Variants in TYW1B observed in about 807,000 individuals in gnomAD.
TYW1B encodes the protein tRNA-yW synthesizing protein 1 homolog B.
TYW1B carries 73 observed loss-of-function variants against 86.9 expected under a neutral mutation model. The observed-to-expected ratio is 0.84, with a 90% CI of 0.70 to 1.02. The LOEUF is 1.02. Ranked by LOEUF, TYW1B falls within the 50% of genes least tolerant of loss-of-function variation. The pLI is 0.00. For missense variants in TYW1B, 637 were observed against 827.4 expected, an observed-to-expected ratio of 0.77 and a Z score of 2.82; for synonymous variants, 248 against 292.8, an observed-to-expected ratio of 0.85 and a Z score of 1.56.
intron 13 of TYW1B, among the ~76,000 whole-genome samples, chr7:72,606,615 C>T (rs797034464): frequency 1.3e-5 from 2 of 148,972 alleles, no homozygotes; most frequent in Admixed American, 6.7e-5. Flanking sequence ...AGGCCCCCCC[C>T]CCGCCTCCAT....
intron 10 of TYW1B, among the ~76,000 whole-genome samples, chr7:72,709,926 T>C (rs1201135273): frequency 1.3e-5 from 2 of 152,326 alleles, no homozygotes; most frequent in African/African-American, 2.4e-5. Context: ...CATTTGTTTG[T>C]TGAAGATGGC....
At chr7:72,650,135 C>T (rs1169303160) in intron 11 of TYW1B, among the ~76,000 whole-genome samples, 1 of 148,792 alleles carries the variant, frequency 6.7e-6, no homozygotes, top group Admixed American at 6.8e-5. Context: ...AGGATGGTCT[C>T]GATCTCCTGA....
intron 11 of TYW1B, among the ~76,000 whole-genome samples, chr7:72,681,591 C>CTTT (rs71069098): frequency 1.5e-3 from 170 of 110,942 alleles, no homozygotes; most frequent in East Asian, 2.2e-3. Flanking sequence ...ATATTTACTT[C>CTTT]TTTTTTTTTT....
At chr7:72,749,450 A>C (rs1554464485) in intron 7 of TYW1B, among the ~76,000 whole-genome samples, 1 of 151,916 alleles carries the variant, frequency 6.6e-6, no homozygotes, top group Non-Finnish European at 1.5e-5. Flanking sequence ...CCCACCACCA[A>C]GCCCGGCTAA....
chr7:72,592,046 C>T (rs1811408124), intron 13 of TYW1B, among the ~76,000 whole-genome samples: 1 of 151,676 alleles, frequency 6.6e-6, no homozygotes, highest in Admixed American at 6.6e-5. Context: ...TGGTCTCGAA[C>T]TCCTGACCTC....
chr7:72,672,830 A>G (rs35569319), intron 11 of TYW1B, among the ~76,000 whole-genome samples: 17 of 151,894 alleles, frequency 1.1e-4, no homozygotes, highest in African/African-American at 2.2e-4. Context: ...TTTGTTTCAA[A>G]GATTACAAAT....
At chr7:72,756,416 G>A (rs1477926455) in intron 7 of TYW1B, among the ~76,000 whole-genome samples, 1 of 150,336 alleles carries the variant, frequency 6.7e-6, no homozygotes, top group Non-Finnish European at 1.5e-5. Context: ...TTTTTTTTTA[G>A]TAGAGACGGG....
At chr7:72,652,040 C>T (rs1249814410) in intron 11 of TYW1B, among the ~76,000 whole-genome samples, 7 of 152,074 alleles carry the variant, frequency 4.6e-5, no homozygotes, top group African/African-American at 1.7e-4. Context: ...ACCTCAGCCT[C>T]CCGGTAAGAC....
chr7:72,651,658 C>CATGTAT (rs1205370488), intron 11 of TYW1B, among the ~76,000 whole-genome samples: 5 of 141,756 alleles, frequency 3.5e-5, no homozygotes, highest in African/African-American at 1.1e-4. Flanking sequence ...AATGTGTCTA[C>CATGTAT]ATGTATATGT....
chr7:72,672,941 G>A (rs1409053814), intron 11 of TYW1B, among the ~76,000 whole-genome samples: 7 of 152,162 alleles, frequency 4.6e-5, no homozygotes, highest in Non-Finnish European at 7.4e-5. Flanking sequence ...GGCCAAGGCG[G>A]GTGGATCACT....
chr7:72,705,735 G>A (rs1360690960), intron 10 of TYW1B, among the ~76,000 whole-genome samples: 1 of 152,148 alleles, frequency 6.6e-6, no homozygotes, highest in Non-Finnish European at 1.5e-5. Flanking sequence ...GCTGTTACAG[G>A]ATTCAAATGT....
At chr7:72,620,785 G>C (rs1554437857) in intron 12 of TYW1B, among the ~76,000 whole-genome samples, 1 of 152,134 alleles carries the variant, frequency 6.6e-6, no homozygotes, top group East Asian at 1.9e-4. Flanking sequence ...ATCAGAAGCA[G>C]CAAGTTCTTC....
intron 8 of TYW1B, among the ~76,000 whole-genome samples, chr7:72,730,194 C>T (rs1787078062): frequency 6.6e-6 from 1 of 151,902 alleles, no homozygotes; most frequent in Non-Finnish European, 1.5e-5. Flanking sequence ...AAACATGACA[C>T]TCCCAAAGAA....
chr7:72,819,282 G>T (rs1554480004), intron 2 of TYW1B, among the ~76,000 whole-genome samples: 1 of 152,140 alleles, frequency 6.6e-6, no homozygotes, highest in Non-Finnish European at 1.5e-5. Context: ...TTTAAGCAGA[G>T]GGATGACATG....
chr7:72,646,507 G>C (rs1812935355), intron 11 of TYW1B, among the ~76,000 whole-genome samples: 1 of 152,014 alleles, frequency 6.6e-6, no homozygotes, highest in South Asian at 2.1e-4. Flanking sequence ...AAGCAGCTGG[G>C]ACTACAGGTG....
chr7:72,727,831 A>AT (rs1395590340), intron 9 of TYW1B, among the ~76,000 whole-genome samples: 1 of 104,254 alleles, frequency 9.6e-6, no homozygotes. Context: ...AAAAAAAAAA[A>AT]AAGAAGAAAG....
At chr7:72,731,166 T>C (rs1554459857) in intron 8 of TYW1B, among the ~76,000 whole-genome samples, 1 of 132,758 alleles carries the variant, frequency 7.5e-6, no homozygotes, top group African/African-American at 2.7e-5. Flanking sequence ...AGCAAAACTA[T>C]CCTCTGGAAA....
intron 11 of TYW1B, among the ~76,000 whole-genome samples, chr7:72,645,466 T>C (rs1554441927): frequency 6.6e-6 from 1 of 152,132 alleles, no homozygotes; most frequent in Non-Finnish European, 1.5e-5. Context: ...AGTCCATGTG[T>C]ATATCAAAAA....
intron 11 of TYW1B, among the ~76,000 whole-genome samples, chr7:72,688,468 T>C (rs1189726363): frequency 6.6e-6 from 1 of 152,240 alleles, no homozygotes; most frequent in Non-Finnish European, 1.5e-5. Flanking sequence ...GTTTTCTTTT[T>C]TGTCGTACCT....
Sources: allele counts gnomAD v4.1 joint callset (sites outside exome capture counted in the v4.1 genomes callset), GRCh38; gene constraint gnomAD v4.1.1; transcripts MANE v1.5; gene names NCBI Gene and HGNC (gene_info 2026-07-23, HGNC 2026-07-21).